The following NSMCE2 variants were observed in gnomAD, a reference collection of about 807,000 sequenced individuals.
NSMCE2 encodes E3 SUMO-protein ligase NSE2.
In NSMCE2, 24 loss-of-function variants were observed where a neutral mutation model predicts 23.8. The ratio of observed to expected loss-of-function variants is 1.01; its 90% CI spans 0.73 to 1.42. NSMCE2 has a LOEUF of 1.42. Ranked by LOEUF, NSMCE2 falls within the 40% of genes most tolerant of loss-of-function variation. The probability of loss-of-function intolerance (pLI) is 0.00; values close to 1 mark genes in which losing one functional copy is unlikely to be tolerated. For synonymous variants in NSMCE2, 92 were observed against 94.1 expected (o/e 0.98, Z 0.13); for missense variants, 284 against 296.5 (o/e 0.96, Z 0.31).
intron 4 of NSMCE2, among the ~76,000 whole-genome samples, chr8:125,174,965 G>A (rs1822407301): frequency 6.6e-6 from 1 of 152,196 alleles, no homozygotes; most frequent in Non-Finnish European, 1.5e-5. Flanking sequence ...TATAATCCAT[G>A]CTGGTCATCA....
At chr8:125,276,623 T>C (rs1478177324) in intron 5 of NSMCE2, among the ~76,000 whole-genome samples, 1 of 152,050 alleles carries the variant, frequency 6.6e-6, no homozygotes, top group Non-Finnish European at 1.5e-5. Context: ...GTCTGACTTA[T>C]GGTAGAACCT....
chr8:125,121,311 C>T (rs370849364), intron 3 of NSMCE2, among the ~76,000 whole-genome samples: 1 of 152,166 alleles, frequency 6.6e-6, no homozygotes, highest in African/African-American at 2.4e-5. Context: ...TGCGCTTCCT[C>T]TTCTTTTGGG....
intron 3 of NSMCE2, among the ~76,000 whole-genome samples, chr8:125,108,377 A>G (rs1818571768): frequency 6.6e-6 from 1 of 152,174 alleles, no homozygotes; most frequent in Non-Finnish European, 1.5e-5. Flanking sequence ...AGGGTAGATC[A>G]GCCTGTAACA....
chr8:125,316,732 T>TTCCTTCCTTCCTTCCTTCCTTCC (rs1554637205), intron 5 of NSMCE2, among the ~76,000 whole-genome samples: 1 of 102,436 alleles, frequency 9.8e-6, no homozygotes, highest in Non-Finnish European at 1.9e-5. Context: ...CTTTCCTTCT[T>TTCCTTCCTTCCTTCCTTCCTTCC]TTCCTTCCTT....
intron 5 of NSMCE2, among the ~76,000 whole-genome samples, chr8:125,184,715 G>T (rs1442884177): frequency 6.6e-6 from 1 of 151,988 alleles, no homozygotes; most frequent in Non-Finnish European, 1.5e-5. Context: ...GTTGATACAA[G>T]TATAAACTTG....
intron 3 of NSMCE2, among the ~76,000 whole-genome samples, chr8:125,117,290 C>T (rs1030921574): frequency 2.0e-5 from 3 of 150,564 alleles, no homozygotes; most frequent in African/African-American, 4.9e-5. Context: ...GGCATGATCT[C>T]GGCTCACTGC....
chr8:125,267,509 G>A (rs1437169127), intron 5 of NSMCE2, among the ~76,000 whole-genome samples: 3 of 152,214 alleles, frequency 2.0e-5, no homozygotes, highest in Admixed American at 1.3e-4. Context: ...TACTTTGCCA[G>A]GCATGGTGGC....
intron 4 of NSMCE2, among the ~76,000 whole-genome samples, chr8:125,166,432 A>G (rs1821881442): frequency 6.6e-6 from 1 of 152,006 alleles, no homozygotes; most frequent in African/African-American, 2.4e-5. Context: ...ACACCTGGCT[A>G]ATTTTTATAT....
intron 4 of NSMCE2, among the ~76,000 whole-genome samples, chr8:125,168,355 G>C (rs1414510281): frequency 6.6e-6 from 1 of 152,206 alleles, no homozygotes; most frequent in Non-Finnish European, 1.5e-5. Context: ...AGAAAAGGAA[G>C]AAGACTGTCT....
intron 5 of NSMCE2, among the ~76,000 whole-genome samples, chr8:125,234,458 C>G (rs1296347067): frequency 2.0e-5 from 3 of 152,146 alleles, no homozygotes; most frequent in African/African-American, 7.2e-5. Context: ...GTCTTTCTTG[C>G]TCTGAATCTT....
chr8:125,208,615 A>G (rs190257711), intron 5 of NSMCE2, among the ~76,000 whole-genome samples: 47 of 152,360 alleles, frequency 3.1e-4, no homozygotes, highest in Non-Finnish European at 5.7e-4. Flanking sequence ...TGAATTAGAA[A>G]AAGAATAGGA....
At chr8:125,292,220 GA>G (rs34130712) in intron 5 of NSMCE2, among the ~76,000 whole-genome samples, 2,837 of 141,418 alleles carry the variant, frequency 0.02, 29 homozygotes, top group Non-Finnish European at 0.027. Context: ...GCTATGGGAG[GA>G]AAAAAAAAAA....
chr8:125,341,014 A>G (rs1830225812), intron 5 of NSMCE2, among the ~76,000 whole-genome samples: 1 of 152,152 alleles, frequency 6.6e-6, no homozygotes, highest in Non-Finnish European at 1.5e-5. Flanking sequence ...CTCACTGGGC[A>G]TGTGGTCGGG....
At chr8:125,159,519 G>A (rs897469229) in intron 4 of NSMCE2, among the ~76,000 whole-genome samples, 1 of 152,134 alleles carries the variant, frequency 6.6e-6, no homozygotes, top group Non-Finnish European at 1.5e-5. Flanking sequence ...GAGTGTAGTA[G>A]GCTATTCCAT....
At chr8:125,298,402 A>G (rs917418911) in intron 5 of NSMCE2, among the ~76,000 whole-genome samples, 1 of 152,240 alleles carries the variant, frequency 6.6e-6, no homozygotes, top group African/African-American at 2.4e-5. Context: ...AAACTGAGAC[A>G]CAGTTAAGAC....
chr8:125,302,188 C>G (rs1828592441), intron 5 of NSMCE2, among the ~76,000 whole-genome samples: 1 of 152,070 alleles, frequency 6.6e-6, no homozygotes, highest in South Asian at 2.1e-4. Flanking sequence ...AACTCCTGGC[C>G]TCAAGTCATC....
At chr8:125,117,033 G>A (rs1242014308) in intron 3 of NSMCE2, among the ~76,000 whole-genome samples, 2 of 151,524 alleles carry the variant, frequency 1.3e-5, no homozygotes, top group East Asian at 1.9e-4. Flanking sequence ...GACTACAGGC[G>A]CTCTCCTCTA....
intron 5 of NSMCE2, among the ~76,000 whole-genome samples, chr8:125,243,495 AT>A (rs202008942): frequency 5.8e-4 from 77 of 133,896 alleles, no homozygotes; most frequent in African/African-American, 2.3e-3. Context: ...AAAAATAATA[AT>A]TTTTTAAAAA....
At chr8:125,093,561 T>C (rs745812211) in intron 1 of NSMCE2, among the ~76,000 whole-genome samples, 1 of 149,818 alleles carries the variant, frequency 6.7e-6, no homozygotes, top group Non-Finnish European at 1.5e-5. Context: ...AATAAATAAG[T>C]AAATAAATAA....
Sources: allele counts gnomAD v4.1 joint callset (sites outside exome capture counted in the v4.1 genomes callset), GRCh38; gene constraint gnomAD v4.1.1; transcripts MANE v1.5; gene names NCBI Gene and HGNC (gene_info 2026-07-23, HGNC 2026-07-21).